The following RNF144B variants were observed in gnomAD, a reference collection of about 807,000 sequenced individuals.
The protein encoded by RNF144B is E3 ubiquitin-protein ligase RNF144B.
Under a neutral mutation model 40.2 loss-of-function variants are expected in RNF144B, and 25 were observed. The observed-to-expected ratio is 0.62, with a 90% CI of 0.45 to 0.87. The LOEUF (loss-of-function observed/expected upper bound fraction) is 0.87. RNF144B is among the 40% of genes least tolerant of loss of function. RNF144B has a pLI of 0.00. For missense variants in RNF144B, 365 were observed against 373.7 expected, an observed-to-expected ratio of 0.98 and a Z score of 0.19; for synonymous variants, 145 against 136.3, an observed-to-expected ratio of 1.06 and a Z score of -0.44.
chr6:18,420,849 C>T (rs534663640), intron 2 of RNF144B, among the ~76,000 whole-genome samples: 16 of 152,046 alleles, frequency 1.1e-4, no homozygotes, highest in Admixed American at 2.6e-4. Flanking sequence ...TAGAGTCTTA[C>T]GAAAACTTAT....
In RNF144B at chr6:18,464,579, C is replaced by A. The variant is rs1479299081; in HGVS notation, c.772-348C>A. 6.6e-6 allele frequency among the ~76,000 whole-genome samples: 1 copy of A among 152,194 alleles called. No homozygotes were observed. The highest frequency in any genetic ancestry group is 1.5e-5 in the Non-Finnish European group (1 of 68,034). On this transcript the variant is annotated intron_variant, in intron 7 of 7. Transcript: ENST00000259939. This position sits in a 1 kb window ranked among gnomAD's most constrained non-coding sequence, Gnocchi z 6.1. ...TCTGGAGGCTGAGAAGTCTGAGGTTCAGGTGACAGCATGGTCATATCTTAG... is the reference window on the plus strand; with the variant it reads ...TCTGGAGGCTGAGAAGTCTGAGGTTAAGGTGACAGCATGGTCATATCTTAG...
In RNF144B at chr6:18,398,236, C is replaced by T. The variant is rs1323783143; in HGVS notation, c.-36-1263C>T. ...GGTACCTCATTTAAGTGGAATCATA[C>T]AATATTTGATTTTCTGTCTGGTTTA... is the stretch of plus-strand genomic sequence containing the variant. On this transcript the variant is annotated intron_variant, in intron 1 of 7. Coordinates refer to ENST00000259939, the MANE Select transcript of RNF144B (RefSeq NM_182757.4). This position sits in a 1 kb window ranked among gnomAD's most constrained non-coding sequence, Gnocchi z 5.0. Among the ~76,000 whole-genome samples the T allele has an allele frequency of 6.6e-6, 1 of 152,156 alleles. No individual in the cohort carries two copies. The highest frequency in any genetic ancestry group is 2.4e-5 in the African/African-American group (1 of 41,424).
Position 18,410,558 on chromosome 6 carries a change from A to T in RNF144B, c.165+10859A>T, listed in dbSNP as rs531692133. On this transcript the variant is annotated intron_variant, in intron 2 of 7. Transcript: ENST00000259939. The surrounding 1 kb of genome is among the most constrained non-coding windows in gnomAD (Gnocchi z 4.6). ...AGGCCAGCCACATGTGAGAACACAG[A>T]ATCAGGGAAGAGTGACCTGCTGAGG... Among the ~76,000 whole-genome samples, 13 of 152,268 alleles carry T rather than the reference A, an allele frequency of 8.5e-5. No homozygotes were observed. The highest frequency in any genetic ancestry group is 2.9e-4 in the African/African-American group (12 of 41,546).
rs938234263 is a variant in RNF144B at position 18,405,216 on chromosome 6, C to G, written c.165+5517C>G. 1.3e-5 allele frequency among the ~76,000 whole-genome samples: 2 copies of G among 150,532 alleles called. No homozygotes were observed. The highest frequency in any genetic ancestry group is 4.9e-5 in the African/African-American group (2 of 40,534). ...TGAGATGGAGTCTTGCTCTGTTGCC[C>G]AGGCTGGAGTGCAGTGGCACAATCT... On this transcript the variant is annotated intron_variant, in intron 2 of 7. Transcript: ENST00000259939. This position sits in a 1 kb window ranked among gnomAD's most constrained non-coding sequence, Gnocchi z 4.5.
intron 1 of RNF144B, chr6:18,396,462 G>C (rs76111527): frequency 4.1e-6 from 4 of 983,414 alleles, no homozygotes; most frequent in Non-Finnish European, 4.8e-6. Flanking sequence ...ATTTCTCGAA[G>C]AGTACCTAGA....
Position 18,466,586 on chromosome 6 carries a change from CCTGGTGCTT to C in RNF144B, c.*1521_*1529del, listed in dbSNP as rs1323578722. ...TATATAATTGCTATTGGCAATGTAG[CCTGGTGCTT>C]CATGAGACCTATGCTAAATGTTACT... On this transcript the variant is annotated 3_prime_UTR_variant, in exon 8 of 8. Coordinates refer to ENST00000259939, the MANE Select transcript of RNF144B (RefSeq NM_182757.4). 5 of 152,610 alleles carry C rather than the reference CCTGGTGCTT, an allele frequency of 3.3e-5. No individual in the cohort carries two copies. Among genetic ancestry groups the C allele is most frequent in the African/African-American group, 1.2e-4 (5 of 41,452 alleles). The allele number at this position is 152,610 out of a possible 1,614,324, so 9.5% of individuals were successfully genotyped here.
chr6:18,409,561 C>CTTTTTTTTTTTTT (rs70974741), intron 2 of RNF144B, among the ~76,000 whole-genome samples: 3 of 93,260 alleles, frequency 3.2e-5, no homozygotes, highest in Non-Finnish European at 6.0e-5. Flanking sequence ...CTTGCATAAC[C>CTTTTTTTTTTTTT]TTTTTTTTTT....
intron 4 of RNF144B, among the ~76,000 whole-genome samples, chr6:18,445,076 T>C (rs917168171): frequency 1.3e-5 from 2 of 149,514 alleles, no homozygotes; most frequent in African/African-American, 4.9e-5. Flanking sequence ...TATTGTCTGC[T>C]CAGTTTGATT....
chr6:18,404,508 G>A (rs1008850702), intron 2 of RNF144B, among the ~76,000 whole-genome samples: 1 of 152,196 alleles, frequency 6.6e-6, no homozygotes, highest in African/African-American at 2.4e-5. Context: ...TCAGAGAAAG[G>A]AAAGCCTATA....
At position 18,398,510 on chromosome 6, in the gene RNF144B, T is replaced by C. The variant is rs2113460147; in HGVS notation, c.-36-989T>C. 6.6e-6 allele frequency among the ~76,000 whole-genome samples: 1 copy of C among 152,342 alleles called. No individual in the cohort carries two copies. Among genetic ancestry groups the C allele is most frequent in the South Asian group, 2.1e-4 (1 of 4,830 alleles). On this transcript the variant is annotated intron_variant, in intron 1 of 7. Transcript: ENST00000259939. The surrounding 1 kb of genome is among the most constrained non-coding windows in gnomAD (Gnocchi z 5.0). ...CCTCAGCCTCCTGAGTAGCTGGGAT[T>C]ACAGATGTGCCACTGTGCCTGGCTA...
chr6:18,411,481 A>C (rs1375570766), intron 2 of RNF144B, among the ~76,000 whole-genome samples: 2 of 27,908 alleles, frequency 7.2e-5, no homozygotes, highest in Non-Finnish European at 1.7e-4. Context: ...ATATATATAT[A>C]TATATATATA....
At position 18,457,044 on chromosome 6, in the gene RNF144B, G is replaced by A; in HGVS notation, c.332-111G>A. 2 of 914,278 alleles carry A rather than the reference G, an allele frequency of 2.2e-6. No homozygotes were observed. Among genetic ancestry groups the A allele is most frequent in the Non-Finnish European group, 3.6e-6 (2 of 553,946 alleles). 56.6% of individuals were successfully genotyped at this position (914,278 alleles called of 1,614,324 possible). A position where few individuals can be genotyped will look rare whatever the true frequency, so the allele number is the denominator to read the frequency against. On this transcript the variant is annotated intron_variant, in intron 4 of 7. Coordinates refer to ENST00000259939, the MANE Select transcript of RNF144B (RefSeq NM_182757.4). This position sits in a 1 kb window ranked among gnomAD's most constrained non-coding sequence, Gnocchi z 5.1. Reference sequence around the variant, plus strand: ...CCACTGTACTCCAGCCTGGGCGACAGAGTGAGACTCTGGTTCCAAATAAAT... The same window carrying A: ...CCACTGTACTCCAGCCTGGGCGACAAAGTGAGACTCTGGTTCCAAATAAAT...
rs988029893 is a variant in RNF144B, at chr6:18,448,349, C to T, written c.331+8605C>T. ...ATCAGGAAAGAAGGTGGAGAGGTTA[C>T]GGACATGGATGCAGGCAGCCTAGTA... On this transcript the variant is annotated intron_variant, in intron 4 of 7. Coordinates refer to ENST00000259939, the MANE Select transcript of RNF144B (RefSeq NM_182757.4). This position sits in a 1 kb window ranked among gnomAD's most constrained non-coding sequence, Gnocchi z 4.0. 6.6e-6 allele frequency among the ~76,000 whole-genome samples: 1 copy of T among 151,960 alleles called. No individual in the cohort carries two copies. Among genetic ancestry groups the T allele is most frequent in the South Asian group, 2.1e-4 (1 of 4,812 alleles).
At chr6:18,421,261 AATTATAT>A (rs1362622370) in intron 2 of RNF144B, among the ~76,000 whole-genome samples, 19 of 147,922 alleles carry the variant, frequency 1.3e-4, no homozygotes, top group South Asian at 2.1e-4. Context: ...CAAAAAAAAA[AATTATAT>A]ATTATACACA....
At chr6:18,453,090 A>G (rs911376688) in intron 4 of RNF144B, among the ~76,000 whole-genome samples, 2 of 146,388 alleles carry the variant, frequency 1.4e-5, no homozygotes. Context: ...CCTGGCCTAT[A>G]TATACATGTT....
chr6:18,462,757 A>G (rs1759485614), intron 6 of RNF144B, among the ~76,000 whole-genome samples: 1 of 151,948 alleles, frequency 6.6e-6, no homozygotes, highest in East Asian at 1.9e-4. Context: ...AACGTGTCCA[A>G]ACTTATCTTC....
At chr6:18,431,751 A>G (rs1278997919) in intron 3 of RNF144B, among the ~76,000 whole-genome samples, 1 of 152,220 alleles carries the variant, frequency 6.6e-6, no homozygotes, top group Non-Finnish European at 1.5e-5. Context: ...TTTAAGTCTA[A>G]CATTTCTTCA....
chr6:18,420,113 C>T (rs1795226853), intron 2 of RNF144B, among the ~76,000 whole-genome samples: 2 of 151,364 alleles, frequency 1.3e-5, no homozygotes, highest in South Asian at 2.1e-4. Context: ...TATCCCCTAT[C>T]TCCTTATCTG....
At chr6:18,423,425 T>A (rs1006164653) in intron 2 of RNF144B, among the ~76,000 whole-genome samples, 11 of 152,216 alleles carry the variant, frequency 7.2e-5, no homozygotes, top group Non-Finnish European at 1.2e-4. Flanking sequence ...AGTACGTTTT[T>A]AAAAATATAC....
Sources: allele counts gnomAD v4.1 joint callset (sites outside exome capture counted in the v4.1 genomes callset), GRCh38; gene constraint gnomAD v4.1.1; non-coding constraint Gnocchi (gnomAD v3.1); transcripts MANE v1.5; gene names NCBI Gene and HGNC (gene_info 2026-07-23, HGNC 2026-07-21).